Variants in BBS9 observed in about 807,000 individuals in gnomAD.
BBS9 encodes Bardet-Biedl syndrome 9, also known as protein PTHB1.
BBS9 carries 89 observed loss-of-function variants against 117.7 expected under a neutral mutation model. The ratio of observed to expected loss-of-function variants is 0.76; its 90% CI spans 0.64 to 0.90. The LOEUF is 0.90. Among genes scored for constraint, BBS9 ranks in the 40% least tolerant of loss-of-function variants. BBS9 has a pLI of 0.00. For synonymous variants in BBS9, 379 were observed against 370.9 expected, an observed-to-expected ratio of 1.02 and a Z score of -0.25; for missense variants, 982 against 1,042.2, an observed-to-expected ratio of 0.94 and a Z score of 0.80.
At chr7:33,184,935 T>C (rs1390861721) in intron 5 of BBS9, among the ~76,000 whole-genome samples, 1 of 152,178 alleles carries the variant, frequency 6.6e-6, no homozygotes, top group African/African-American at 2.4e-5. Flanking sequence ...AAGGGATGGA[T>C]TATTTATGAG....
chr7:33,563,432 G>A (rs1198493268), intron 21 of BBS9, among the ~76,000 whole-genome samples: 1 of 152,164 alleles, frequency 6.6e-6, no homozygotes, highest in East Asian at 1.9e-4. Flanking sequence ...GACACAGGAG[G>A]TAAAGTCTAT....
downstream of BBS9, chr7:33,606,092 G>A (rs1229491120): frequency 2.6e-5 from 4 of 152,082 alleles, no homozygotes; most frequent in Non-Finnish European, 5.9e-5. Flanking sequence ...CAGTACAAAG[G>A]GGAAAGTTGT....
intron 19 of BBS9, among the ~76,000 whole-genome samples, chr7:33,481,025 A>T (rs1195387417): frequency 1.3e-5 from 2 of 152,174 alleles, no homozygotes; most frequent in Non-Finnish European, 2.9e-5. Flanking sequence ...CTGTGAGTCA[A>T]TTAAGCCTCT....
intron 19 of BBS9, among the ~76,000 whole-genome samples, chr7:33,445,420 T>A (rs541515835): frequency 6.6e-6 from 1 of 152,206 alleles, no homozygotes; most frequent in Non-Finnish European, 1.5e-5. Context: ...ACACATGTAT[T>A]GCATTTATGT....
At position 33,533,934 on chromosome 7, in the gene BBS9, A is replaced by C. The variant is rs17727583; in HGVS notation, c.2299-20A>C. The C allele has an allele frequency of 0.012, 19,697 of 1,613,594 alleles. 149 individuals carry two copies. Among genetic ancestry groups the C allele is most frequent in the Middle Eastern group, 0.016 (97 of 6,058 alleles). ...TTATTGTCATCTTTGTATTAATTCA[A>C]AATTGGCTTTTGTATCCAGGGCTGG... On this transcript the variant is annotated intron_variant, in intron 20 of 22. Transcript: ENST00000242067.
chr7:33,376,575 G>C (rs926378984), intron 17 of BBS9, among the ~76,000 whole-genome samples: 3 of 152,190 alleles, frequency 2.0e-5, no homozygotes, highest in African/African-American at 7.2e-5. Context: ...GGGACTGCTG[G>C]CTTGAATGGC....
chr7:33,444,794 C>T (rs1213411404), intron 19 of BBS9, among the ~76,000 whole-genome samples: 2 of 152,160 alleles, frequency 1.3e-5, no homozygotes, highest in Non-Finnish European at 2.9e-5. Flanking sequence ...TGGAGTCTGT[C>T]GCTGGTGGAG....
intron 5 of BBS9, among the ~76,000 whole-genome samples, chr7:33,219,669 G>A (rs1789832322): frequency 6.6e-6 from 1 of 152,132 alleles, no homozygotes; most frequent in Non-Finnish European, 1.5e-5. Context: ...GGGACATGGA[G>A]AACCTTTGTG....
intron 19 of BBS9, among the ~76,000 whole-genome samples, chr7:33,462,739 A>G (rs938331542): frequency 6.6e-6 from 1 of 152,044 alleles, no homozygotes; most frequent in African/African-American, 2.4e-5. Flanking sequence ...CTCCATACAA[A>G]TGAGGGATAT....
chr7:33,231,049 A>G (rs1478237090), intron 5 of BBS9, among the ~76,000 whole-genome samples: 1 of 152,174 alleles, frequency 6.6e-6, no homozygotes, highest in African/African-American at 2.4e-5. Flanking sequence ...GCAGAGTACA[A>G]GTGTTCCCTT....
rs150979382 is a variant in BBS9 at position 33,203,211 on chromosome 7, T to C, written c.442+25620T>C. ...GGAATACATGCTGGCTGATAAAAAC[T>C]ACACGTTTGCTATAGAGAGAAGAGA... On this transcript the variant is annotated intron_variant, in intron 5 of 22. Coordinates refer to ENST00000242067, the MANE Select transcript of BBS9 (RefSeq NM_198428.3). Among the ~76,000 whole-genome samples, 1,301 of 152,294 alleles carry C rather than the reference T, an allele frequency of 8.5e-3. 9 individuals are homozygous for C. Among genetic ancestry groups the C allele is most frequent in the Non-Finnish European group, 0.013 (864 of 68,024 alleles).
At chr7:33,374,746 A>T (rs1425358187) in intron 17 of BBS9, among the ~76,000 whole-genome samples, 2 of 152,042 alleles carry the variant, frequency 1.3e-5, no homozygotes, top group African/African-American at 2.4e-5. Flanking sequence ...TACTAAAAAT[A>T]CAAAATTAGC....
chr7:33,288,424 G>A (rs1367667680), intron 9 of BBS9, among the ~76,000 whole-genome samples: 1 of 152,122 alleles, frequency 6.6e-6, no homozygotes, highest in African/African-American at 2.4e-5. Context: ...TTTCAATCAA[G>A]TAGAAGATGA....
intron 21 of BBS9, among the ~76,000 whole-genome samples, chr7:33,594,220 G>T (rs1478403756): frequency 6.6e-6 from 1 of 152,074 alleles, no homozygotes; most frequent in East Asian, 1.9e-4. Context: ...CTGCTCTGAG[G>T]TGTGAAATGG....
At chr7:33,399,926 G>T (rs372934207) in intron 19 of BBS9, among the ~76,000 whole-genome samples, 2 of 152,136 alleles carry the variant, frequency 1.3e-5, no homozygotes, top group South Asian at 4.1e-4. Flanking sequence ...ACCTATTATC[G>T]TATGAAAACA....
chr7:33,521,041 T>C (rs995254254), intron 20 of BBS9, among the ~76,000 whole-genome samples: 3 of 152,284 alleles, frequency 2.0e-5, no homozygotes, highest in Non-Finnish European at 4.4e-5. Flanking sequence ...AACTGGAAGC[T>C]TTTGCCTGAA....
intron 5 of BBS9, among the ~76,000 whole-genome samples, chr7:33,190,655 A>C (rs991867628): frequency 2.0e-5 from 3 of 152,120 alleles, no homozygotes; most frequent in African/African-American, 7.2e-5. Context: ...AGCAGCTTTA[A>C]ATCTTTACTT....
intron 19 of BBS9, among the ~76,000 whole-genome samples, chr7:33,416,576 C>T (rs1392929160): frequency 6.6e-6 from 1 of 152,010 alleles, no homozygotes; most frequent in Non-Finnish European, 1.5e-5. Context: ...ATTTATGCAA[C>T]AAATGTTATG....
At chr7:33,406,844 C>G (rs901377631) in intron 19 of BBS9, among the ~76,000 whole-genome samples, 1 of 152,202 alleles carries the variant, frequency 6.6e-6, no homozygotes, top group African/African-American at 2.4e-5. Context: ...GTAACCCGAC[C>G]TTTCTCTCTG....
Sources: allele counts gnomAD v4.1 joint callset (sites outside exome capture counted in the v4.1 genomes callset), GRCh38; gene constraint gnomAD v4.1.1; transcripts MANE v1.5; gene names NCBI Gene and HGNC (gene_info 2026-07-23, HGNC 2026-07-21).